The following GABRG3 variants were observed in gnomAD, a reference collection of about 807,000 sequenced individuals.
GABRG3 encodes the protein gamma-aminobutyric acid type A receptor subunit gamma3.
A neutral mutation model predicts 48.8 loss-of-function variants in GABRG3; 25 were observed. The observed-to-expected ratio is 0.51, with a 90% confidence interval of 0.37 to 0.72. GABRG3 has a LOEUF of 0.72. Among genes scored for constraint, GABRG3 ranks in the 30% least tolerant of loss-of-function variants. GABRG3 has a pLI of 0.00. For synonymous variants in GABRG3, 227 were observed against 217.6 expected, an observed-to-expected ratio of 1.04 and a Z score of -0.38; for missense variants, 394 against 577.9, an observed-to-expected ratio of 0.68 and a Z score of 3.26.
At chr15:27,252,520 C>G (rs1890492320) in intron 3 of GABRG3, among the ~76,000 whole-genome samples, 1 of 152,246 alleles carries the variant, frequency 6.6e-6, no homozygotes, top group Non-Finnish European at 1.5e-5. Context: ...CGCCCCACCC[C>G]AGCCAGGGGA....
chr15:27,469,507 A>G (rs1215842497), intron 5 of GABRG3, among the ~76,000 whole-genome samples: 1 of 151,814 alleles, frequency 6.6e-6, no homozygotes, highest in Non-Finnish European at 1.5e-5. Flanking sequence ...CACCGGACTA[A>G]TTTTTGTATT....
At chr15:27,398,245 A>G (rs963577584) in intron 5 of GABRG3, among the ~76,000 whole-genome samples, 13 of 152,198 alleles carry the variant, frequency 8.5e-5, no homozygotes, top group African/African-American at 1.7e-4. Flanking sequence ...CTGGATGGCA[A>G]GGCCTTACAT....
At position 27,537,724 on chromosome 15, in the gene GABRG3, TCTA is replaced by T. The variant is rs1318771587; in HGVS notation, c.*4846_*4848del. 2.6e-5 allele frequency: 4 copies of T among 152,044 alleles called. No homozygotes were observed. Among genetic ancestry groups the T allele is most frequent in the African/African-American group, 9.7e-5 (4 of 41,446 alleles). 9.4% of individuals were successfully genotyped at this position (152,044 alleles called of 1,614,324 possible). ...CATTTTCTTTCCTCCTTTTAAAATT[TCTA>T]CTGATTACAAGCTAGCAATTTCAGG... is the stretch of plus-strand genomic sequence containing the variant. On this transcript the variant is annotated 3_prime_UTR_variant, in exon 10 of 10. Coordinates refer to ENST00000615808, the MANE Select transcript of GABRG3 (RefSeq NM_033223.5).
intron 5 of GABRG3, among the ~76,000 whole-genome samples, chr15:27,411,466 T>C (rs1887796899): frequency 6.6e-6 from 1 of 152,148 alleles, no homozygotes. Context: ...ACTTAAAATA[T>C]TTAATACCCC....
chr15:27,503,160 T>A (rs2150855186), intron 6 of GABRG3, among the ~76,000 whole-genome samples: 1 of 152,338 alleles, frequency 6.6e-6, no homozygotes, highest in East Asian at 1.9e-4. Flanking sequence ...GCCTAGAGGC[T>A]GCCAGCCATC....
At chr15:27,405,379 T>C (rs1887599509) in intron 5 of GABRG3, among the ~76,000 whole-genome samples, 1 of 152,200 alleles carries the variant, frequency 6.6e-6, no homozygotes, top group Non-Finnish European at 1.5e-5. Context: ...AAAAATGAGA[T>C]GACATGTCAT....
intron 5 of GABRG3, among the ~76,000 whole-genome samples, chr15:27,375,763 C>T (rs1429743793): frequency 6.6e-6 from 1 of 152,140 alleles, no homozygotes; most frequent in African/African-American, 2.4e-5. Context: ...TGCTGGGTCC[C>T]TCCCACAACA....
Position 27,097,995 on chromosome 15 carries a change from A to T in GABRG3, c.270+71174A>T, listed in dbSNP as rs567499619. Among the ~76,000 whole-genome samples, 4 of 152,074 alleles carry T rather than the reference A, an allele frequency of 2.6e-5. No homozygotes were observed. In the East Asian group the frequency reaches 7.7e-4, roughly 29 times the overall value. On this transcript the variant is annotated intron_variant, in intron 3 of 9. Coordinates refer to ENST00000615808, the MANE Select transcript of GABRG3 (RefSeq NM_033223.5). ...GAAGAGAAGGAATTAAAAGAAAAAA[A>T]AAAAGAAACTGTAACAACAAAGTCC...
chr15:27,158,751 A>G (rs1444907626), intron 3 of GABRG3, among the ~76,000 whole-genome samples: 1 of 152,214 alleles, frequency 6.6e-6, no homozygotes, highest in Non-Finnish European at 1.5e-5. Flanking sequence ...GAAAAATAAA[A>G]CCTTCACTAT....
chr15:27,509,668 T>G (rs1890851411), intron 6 of GABRG3, among the ~76,000 whole-genome samples: 1 of 152,212 alleles, frequency 6.6e-6, no homozygotes, highest in Non-Finnish European at 1.5e-5. Context: ...ACTACATTTT[T>G]GATTTCTTGT....
chr15:27,166,022 GCA>G (rs1176504967), intron 3 of GABRG3, among the ~76,000 whole-genome samples: 2 of 152,172 alleles, frequency 1.3e-5, no homozygotes, highest in Non-Finnish European at 2.9e-5. Flanking sequence ...CAGCGAACCA[GCA>G]CAGTGAGCCT....
intron 3 of GABRG3, among the ~76,000 whole-genome samples, chr15:27,064,477 G>A (rs1416364852): frequency 6.6e-6 from 1 of 152,170 alleles, no homozygotes; most frequent in Non-Finnish European, 1.5e-5. Flanking sequence ...GAAAGGGAAC[G>A]CTGGGCTTTC....
intron 3 of GABRG3, among the ~76,000 whole-genome samples, chr15:27,057,611 G>GCC (rs1896572823): frequency 6.6e-6 from 1 of 152,086 alleles, no homozygotes; most frequent in African/African-American, 2.4e-5. Context: ...CACCTGTGAT[G>GCC]GAGAGAGGTG....
chr15:27,462,119 G>C (rs1003791111), intron 5 of GABRG3, among the ~76,000 whole-genome samples: 1 of 151,946 alleles, frequency 6.6e-6, no homozygotes, highest in African/African-American at 2.4e-5. Flanking sequence ...GTCTTTGATG[G>C]TTTCCTGGAG....
intron 5 of GABRG3, among the ~76,000 whole-genome samples, chr15:27,354,291 G>T (rs1446411054): frequency 6.6e-6 from 1 of 152,222 alleles, no homozygotes; most frequent in Non-Finnish European, 1.5e-5. Context: ...GCAAGCCCCT[G>T]CGTACCTCCT....
At chr15:27,182,118 C>T (rs1887950519) in intron 3 of GABRG3, among the ~76,000 whole-genome samples, 1 of 152,028 alleles carries the variant, frequency 6.6e-6, no homozygotes, top group African/African-American at 2.4e-5. Context: ...GTGCTGGAGC[C>T]AGTACAAATG....
chr15:27,369,826 AAAAAAAAAT>A (rs1895345381), intron 5 of GABRG3, among the ~76,000 whole-genome samples: 1 of 150,762 alleles, frequency 6.6e-6, no homozygotes, highest in African/African-American at 2.5e-5. Context: ...AAAAAAAAAA[AAAAAAAAAT>A]TATGGTATCA....
At chr15:27,071,564 T>C (rs1430594096) in intron 3 of GABRG3, among the ~76,000 whole-genome samples, 1 of 152,196 alleles carries the variant, frequency 6.6e-6, no homozygotes, top group Non-Finnish European at 1.5e-5. Flanking sequence ...TGTGATTGCT[T>C]TTCCTGACTG....
intron 3 of GABRG3, among the ~76,000 whole-genome samples, chr15:27,112,442 A>ATTTTTTT (rs200203617): frequency 7.3e-6 from 1 of 137,644 alleles, no homozygotes; most frequent in Non-Finnish European, 1.5e-5. Context: ...TATTTCATTG[A>ATTTTTTT]TTTTTTTTTT....
Sources: gnomAD v4.1 joint callset for allele counts (sites outside exome capture counted in the v4.1 genomes callset) on GRCh38, gnomAD v4.1.1 for gene constraint, MANE v1.5 for transcripts, NCBI Gene and HGNC (gene_info 2026-07-23, HGNC 2026-07-21) for gene names.